The following ASTN2 variants were observed in gnomAD, a reference collection of about 807,000 sequenced individuals.
ASTN2 encodes astrotactin 2.
In ASTN2, 54 loss-of-function variants were observed where a neutral mutation model predicts 139.8. The ratio of observed to expected loss-of-function variants is 0.39; its 90% CI spans 0.31 to 0.48. ASTN2 has a LOEUF of 0.48. ASTN2 is among the 20% of genes least tolerant of loss of function. ASTN2 has a pLI of 0.95. For missense variants in ASTN2, 1,565 were observed against 1,725.1 expected (o/e 0.91, Z 1.64); for synonymous variants, 756 against 719.5 (o/e 1.05, Z -0.81).
chr9:116,951,956 G>C (rs1209111530), intron 10 of ASTN2, among the ~76,000 whole-genome samples: 1 of 152,160 alleles, frequency 6.6e-6, no homozygotes, highest in Non-Finnish European at 1.5e-5. Flanking sequence ...CTTGAGTAAT[G>C]TGACTATTTT....
At chr9:116,980,069 C>T (rs532265225) in intron 7 of ASTN2, among the ~76,000 whole-genome samples, 6 of 152,188 alleles carry the variant, frequency 3.9e-5, no homozygotes, top group South Asian at 4.2e-4. Flanking sequence ...TCCTGGAGAA[C>T]GGAAAGTAGG....
intron 2 of ASTN2, among the ~76,000 whole-genome samples, chr9:117,272,821 T>A (rs1477070651): frequency 6.6e-6 from 1 of 152,186 alleles, no homozygotes; most frequent in Non-Finnish European, 1.5e-5. Flanking sequence ...ATTGTTCATA[T>A]CACTATCAGC....
chr9:117,221,146 C>A (rs1166611071), intron 2 of ASTN2, among the ~76,000 whole-genome samples: 1 of 152,220 alleles, frequency 6.6e-6, no homozygotes, highest in Non-Finnish European at 1.5e-5. Context: ...CCAGCATCAA[C>A]AAGGCACCTG....
At chr9:116,905,868 G>C (rs1446875957) in intron 10 of ASTN2, among the ~76,000 whole-genome samples, 1 of 138,500 alleles carries the variant, frequency 7.2e-6, no homozygotes, top group Admixed American at 7.4e-5. Context: ...TTTTTTTTTG[G>C]GGGGGGGTGC....
chr9:117,095,052 C>T (rs978598888), intron 5 of ASTN2, among the ~76,000 whole-genome samples: 1 of 152,230 alleles, frequency 6.6e-6, no homozygotes, highest in African/African-American at 2.4e-5. Flanking sequence ...CCAGCTACTT[C>T]TCAGCACACC....
chr9:116,620,345 A>G lies in ASTN2; in HGVS notation c.3171T>C (p.Asn1057=). Residue 1057 remains asparagine (N), a synonymous_variant, in exon 18 of 23, where the codon AAT becomes AAC. Coordinates refer to ENST00000313400, the MANE Select transcript of ASTN2 (RefSeq NM_001365068.1). ...GAAGGGGGCTGCAGTTGGGGAGCCC[A>G]TTGGCATCAAAGGCGCTGAGGTCAC... ...CRCDLSAFDA[N]GLPNCSPLLQ... is the part of the protein sequence containing the mutation. 6.2e-7 allele frequency: 1 copy of G among 1,614,148 alleles called. No homozygotes were observed. Among genetic ancestry groups the G allele is most frequent in the Non-Finnish European group, 8.5e-7 (1 of 1,180,028 alleles).
At chr9:117,238,535 T>C (rs1256881416) in intron 2 of ASTN2, among the ~76,000 whole-genome samples, 1 of 152,240 alleles carries the variant, frequency 6.6e-6, no homozygotes, top group Non-Finnish European at 1.5e-5. Context: ...GCTCTGGCTC[T>C]GGCCCAGGCT....
At chr9:116,746,935 A>G (rs1276858975) in intron 13 of ASTN2, among the ~76,000 whole-genome samples, 1 of 152,142 alleles carries the variant, frequency 6.6e-6, no homozygotes, top group African/African-American at 2.4e-5. Context: ...TATTCAATAA[A>G]TTGCTGAATG....
chr9:117,386,575 G>A (rs1322230427), intron 1 of ASTN2, among the ~76,000 whole-genome samples: 1 of 152,122 alleles, frequency 6.6e-6, no homozygotes, highest in Non-Finnish European at 1.5e-5. Flanking sequence ...TGCAGTTCTG[G>A]GAAGGAGAGC....
intron 2 of ASTN2, among the ~76,000 whole-genome samples, chr9:117,273,289 C>T (rs534582255): frequency 1.3e-5 from 2 of 152,328 alleles, no homozygotes; most frequent in East Asian, 3.9e-4. Flanking sequence ...TTGGGTCCTT[C>T]CCACAACACA....
chr9:116,531,204 T>C (rs528529529), intron 19 of ASTN2, among the ~76,000 whole-genome samples: 82 of 152,200 alleles, frequency 5.4e-4, no homozygotes, highest in Non-Finnish European at 9.1e-4. Flanking sequence ...TCCATGTTCT[T>C]GTCTTCTGGC....
intron 7 of ASTN2, among the ~76,000 whole-genome samples, chr9:117,007,579 GA>G (rs543243677): frequency 6.6e-6 from 1 of 152,170 alleles, no homozygotes; most frequent in Non-Finnish European, 1.5e-5. Context: ...TGAGGGTGGA[GA>G]TTTTGCATAT....
intron 19 of ASTN2, among the ~76,000 whole-genome samples, chr9:116,488,517 T>C (rs1849410720): frequency 6.6e-6 from 1 of 152,226 alleles, no homozygotes; most frequent in African/African-American, 2.4e-5. Context: ...AGCAAGAATG[T>C]AGAAACAGCT....
chr9:117,243,551 A>C (rs1463755929), intron 2 of ASTN2, among the ~76,000 whole-genome samples: 2 of 152,186 alleles, frequency 1.3e-5, no homozygotes, highest in Non-Finnish European at 2.9e-5. Flanking sequence ...AGCCCTGCTA[A>C]GTGTTTTATT....
intron 16 of ASTN2, among the ~76,000 whole-genome samples, chr9:116,666,321 C>T (rs1055560831): frequency 6.6e-6 from 1 of 152,138 alleles, no homozygotes; most frequent in Admixed American, 6.5e-5. Flanking sequence ...GGTCTGCAGA[C>T]TTGTATAGGG....
At chr9:116,777,131 T>G (rs4837849) in intron 13 of ASTN2, among the ~76,000 whole-genome samples, 1 of 152,022 alleles carries the variant, frequency 6.6e-6, no homozygotes, top group Non-Finnish European at 1.5e-5. Context: ...ATGGAGCCAA[T>G]AGGTGCTGAT....
chr9:117,208,206 T>A (rs534448733), intron 3 of ASTN2, among the ~76,000 whole-genome samples: 1 of 152,250 alleles, frequency 6.6e-6, no homozygotes, highest in Admixed American at 6.5e-5. Context: ...ATAATAATTT[T>A]AAATAAACTC....
intron 3 of ASTN2, among the ~76,000 whole-genome samples, chr9:117,196,900 C>A (rs1475594191): frequency 2.1e-5 from 3 of 145,448 alleles, no homozygotes; most frequent in African/African-American, 5.1e-5. Context: ...GAAAAGCATA[C>A]CCAGCTCCCC....
At chr9:116,702,509 T>A (rs550792090) in intron 16 of ASTN2, among the ~76,000 whole-genome samples, 103 of 152,276 alleles carry the variant, frequency 6.8e-4, no homozygotes, top group Non-Finnish European at 1.4e-3. Flanking sequence ...TATCTGTCCA[T>A]ATATTTGAGC....
Sources: allele counts gnomAD v4.1 joint callset (sites outside exome capture counted in the v4.1 genomes callset), GRCh38; gene constraint gnomAD v4.1.1; transcripts MANE v1.5; gene names NCBI Gene and HGNC (gene_info 2026-07-23, HGNC 2026-07-21).